SSBP2: variants seen among roughly 807,000 people sequenced by gnomAD.
SSBP2 encodes the protein single-stranded DNA-binding protein 2.
SSBP2 carries 17 observed loss-of-function variants against 61.8 expected under a neutral mutation model. The observed-to-expected ratio is 0.28, with a 90% confidence interval of 0.19 to 0.41. The LOEUF is 0.41. SSBP2 is among the 10% of genes least tolerant of loss of function. SSBP2 has a pLI of 1.00. For synonymous variants in SSBP2, 139 were observed against 141.3 expected, an observed-to-expected ratio of 0.98 and a Z score of 0.12; for missense variants, 310 against 458.7, an observed-to-expected ratio of 0.68 and a Z score of 2.96.
At chr5:81,679,404 T>C (rs1235221486) in intron 1 of SSBP2, among the ~76,000 whole-genome samples, 2 of 152,198 alleles carry the variant, frequency 1.3e-5, no homozygotes, top group Non-Finnish European at 2.9e-5. Flanking sequence ...CGTATCCTTA[T>C]ATGTAAGTAA....
At chr5:81,634,296 C>G (rs954811324) in intron 3 of SSBP2, among the ~76,000 whole-genome samples, 1 of 152,214 alleles carries the variant, frequency 6.6e-6, no homozygotes, top group African/African-American at 2.4e-5. Context: ...CAGATAAACT[C>G]AACCAATTGC....
At chr5:81,486,384 T>C (rs1766383096) in intron 6 of SSBP2, among the ~76,000 whole-genome samples, 1 of 152,188 alleles carries the variant, frequency 6.6e-6, no homozygotes, top group African/African-American at 2.4e-5. Flanking sequence ...GATAGTATCT[T>C]ATACATGGCA....
chr5:81,615,713 C>T (rs1478132167), intron 3 of SSBP2, among the ~76,000 whole-genome samples, 156 bp from the exon 4 acceptor site: 1 of 152,190 alleles, frequency 6.6e-6, no homozygotes, highest in Non-Finnish European at 1.5e-5. Context: ...CAAGGCTCTT[C>T]ATGCAATAAC....
At chr5:81,648,280 T>G (rs2153704613) in intron 2 of SSBP2, among the ~76,000 whole-genome samples, 1 of 152,236 alleles carries the variant, frequency 6.6e-6, no homozygotes, top group African/African-American at 2.4e-5. Context: ...TAACTAATGA[T>G]TTCATGAAAC....
chr5:81,634,174 C>T (rs1019714172), intron 3 of SSBP2, among the ~76,000 whole-genome samples: 1 of 152,298 alleles, frequency 6.6e-6, no homozygotes, highest in East Asian at 1.9e-4. Flanking sequence ...GAAGCATTTA[C>T]AAGCTATTCT....
At chr5:81,747,961 AGAGT>A (rs560742519) in intron 1 of SSBP2, among the ~76,000 whole-genome samples, 26 of 152,208 alleles carry the variant, frequency 1.7e-4, no homozygotes, top group Non-Finnish European at 1.3e-4. Context: ...TTAAAATGAC[AGAGT>A]AAGTAACTAA....
intron 15 of SSBP2, among the ~76,000 whole-genome samples, chr5:81,433,637 C>T (rs1322393756): frequency 1.3e-5 from 2 of 151,444 alleles, no homozygotes. Context: ...ATACTTCTCT[C>T]TACCCTCAAC....
chr5:81,499,770 C>T (rs1767560266), intron 5 of SSBP2, among the ~76,000 whole-genome samples: 1 of 152,168 alleles, frequency 6.6e-6, no homozygotes, highest in Non-Finnish European at 1.5e-5. Context: ...TTAAAAATCA[C>T]CTGAACTTTT....
chr5:81,539,414 G>C (rs577397910), intron 4 of SSBP2, among the ~76,000 whole-genome samples: 4 of 152,152 alleles, frequency 2.6e-5, no homozygotes, highest in African/African-American at 9.7e-5. Flanking sequence ...CTGCTGAAAC[G>C]ATTACAAAAG....
chr5:81,726,643 A>G (rs1755909044), intron 1 of SSBP2, among the ~76,000 whole-genome samples: 1 of 152,046 alleles, frequency 6.6e-6, no homozygotes, highest in Admixed American at 6.6e-5. Flanking sequence ...TATACCCCCA[A>G]TCATCCTCAT....
At chr5:81,668,248 T>TAA (rs11332987) in intron 1 of SSBP2, among the ~76,000 whole-genome samples, 6,154 of 94,736 alleles carry the variant, frequency 0.065, 294 homozygotes, top group African/African-American at 0.13. Flanking sequence ...TATGGAAGTT[T>TAA]AAAAAAAAAA....
At chr5:81,700,415 T>C (rs1753903948) in intron 1 of SSBP2, among the ~76,000 whole-genome samples, 1 of 152,206 alleles carries the variant, frequency 6.6e-6, no homozygotes, top group Admixed American at 6.5e-5. Flanking sequence ...GTTGTTCCAT[T>C]TCATTTATAG....
chr5:81,482,614 A>G (rs1235876255), intron 6 of SSBP2, among the ~76,000 whole-genome samples: 1 of 152,166 alleles, frequency 6.6e-6, no homozygotes, highest in Non-Finnish European at 1.5e-5. Context: ...CAGCTCTCTC[A>G]GTCTTCACAG....
chr5:81,750,105 G>A (rs972729109), intron 1 of SSBP2, among the ~76,000 whole-genome samples: 1 of 151,696 alleles, frequency 6.6e-6, no homozygotes, highest in Non-Finnish European at 1.5e-5. Flanking sequence ...CCGCCGCGGA[G>A]TTGGGTCCGC....
Position 81,415,752 on chromosome 5 carries a change from A to C in SSBP2, c.*4752T>G, listed in dbSNP as rs1488446092. The C allele has an allele frequency of 6.6e-6, 1 of 151,620 alleles. No homozygotes were observed. The highest frequency in any genetic ancestry group is 1.9e-4 in the East Asian group (1 of 5,178). The allele number at this position is 151,620 out of a possible 1,614,324, so 9.4% of individuals were successfully genotyped here. A position where few individuals can be genotyped will look rare whatever the true frequency, so the allele number is the denominator to read the frequency against. ...ACGGTGAAACCCGGTCTCTACTAAAAATACAAAAAATTAGCTGGGCATGGT... is the reference window on the plus strand; with the variant it reads ...ACGGTGAAACCCGGTCTCTACTAAACATACAAAAAATTAGCTGGGCATGGT... On this transcript the variant is annotated 3_prime_UTR_variant, in exon 17 of 17. Transcript: ENST00000320672.
At chr5:81,432,929 A>C (rs1175189809) in intron 15 of SSBP2, among the ~76,000 whole-genome samples, 1 of 90,022 alleles carries the variant, frequency 1.1e-5, no homozygotes, top group African/African-American at 4.5e-5. Flanking sequence ...TCCGGGAGGG[A>C]GGTGGGGGGG....
At chr5:81,661,566 T>G (rs1750702269) in intron 1 of SSBP2, among the ~76,000 whole-genome samples, 1 of 152,128 alleles carries the variant, frequency 6.6e-6, no homozygotes, top group East Asian at 1.9e-4. Flanking sequence ...TGATACCTCA[T>G]TTTGGTTTTA....
intron 4 of SSBP2, among the ~76,000 whole-genome samples, chr5:81,597,914 G>A (rs1006700515): frequency 2.7e-5 from 4 of 150,528 alleles, no homozygotes; most frequent in South Asian, 2.1e-4. Flanking sequence ...GCAAAATGAC[G>A]AGTTAATGGG....
At position 81,594,139 on chromosome 5, in the gene SSBP2, A is replaced by G. The variant is rs549969740; in HGVS notation, c.282+21334T>C. On this transcript the variant is annotated intron_variant, in intron 4 of 16. Coordinates refer to ENST00000320672, the MANE Select transcript of SSBP2 (RefSeq NM_012446.5). ...ACACACTGGCTCAAAATAAAGGGATAGAAGAAGATCTACCAAGCAAATGGA... is the reference window on the plus strand; with the variant it reads ...ACACACTGGCTCAAAATAAAGGGATGGAAGAAGATCTACCAAGCAAATGGA... Among the ~76,000 whole-genome samples, 4 of 152,320 alleles carry G rather than the reference A, an allele frequency of 2.6e-5. No individual in the cohort carries two copies. In the East Asian group the frequency reaches 5.8e-4, roughly 22 times the overall value.
Sources: allele counts gnomAD v4.1 joint callset (sites outside exome capture counted in the v4.1 genomes callset), GRCh38; gene constraint gnomAD v4.1.1; transcripts MANE v1.5; gene names NCBI Gene and HGNC (gene_info 2026-07-23, HGNC 2026-07-21).